Variants in SAMTOR observed in about 807,000 individuals in gnomAD.
The protein encoded by SAMTOR is UPF0532 protein C7orf60.
At chr7:112,939,338 T>G in the SAMTOR span, 1 of 561,302 alleles carries the variant, frequency 1.8e-6, no homozygotes, top group Non-Finnish European at 3.2e-6. Flanking sequence ...GACAGGGGCT[T>G]GGAGGGGGTG....
chr7:112,882,546 G>C, the SAMTOR span, among the ~76,000 whole-genome samples: 2 of 151,882 alleles, frequency 1.3e-5, no homozygotes, highest in African/African-American at 4.8e-5. Context: ...AAAATTAGCT[G>C]GGTGTGGTGG....
At chr7:112,879,003 A>C in the SAMTOR span, among the ~76,000 whole-genome samples, 1 of 152,068 alleles carries the variant, frequency 6.6e-6, no homozygotes. Context: ...GAAGTAAAAC[A>C]GCGGAAGGGG....
chr7:112,898,822 A>G, the SAMTOR span, among the ~76,000 whole-genome samples: 1 of 152,224 alleles, frequency 6.6e-6, no homozygotes, highest in South Asian at 2.1e-4. Context: ...CTTCAAGTCC[A>G]TTAGGGCTGG....
the SAMTOR span, among the ~76,000 whole-genome samples, chr7:112,932,338 T>C: frequency 2.0e-5 from 3 of 152,152 alleles, no homozygotes; most frequent in Admixed American, 1.3e-4. Flanking sequence ...TATTTACCAT[T>C]ATATTTATAG....
chr7:112,831,517 G>A, the SAMTOR span, among the ~76,000 whole-genome samples: 11 of 152,248 alleles, frequency 7.2e-5, no homozygotes, highest in Non-Finnish European at 7.4e-5. Flanking sequence ...TTAGCTGGGC[G>A]TGGTGGTACA....
the SAMTOR span, among the ~76,000 whole-genome samples, chr7:112,923,590 T>C: frequency 6.6e-6 from 1 of 152,236 alleles, no homozygotes; most frequent in Non-Finnish European, 1.5e-5. Context: ...TTTACACTAT[T>C]GGTGGGACTG....
chr7:112,935,183 T>G, the SAMTOR span: 1 of 424,988 alleles, frequency 2.4e-6, no homozygotes. Flanking sequence ...CAGCAAAACC[T>G]CACTTGAGAA....
chr7:112,892,413 T>G, the SAMTOR span, among the ~76,000 whole-genome samples: 1 of 152,194 alleles, frequency 6.6e-6, no homozygotes, highest in South Asian at 2.1e-4. Flanking sequence ...TAATGGACTT[T>G]GCCCAGATCC....
At chr7:112,886,614 G>A in the SAMTOR span, among the ~76,000 whole-genome samples, 55 of 152,262 alleles carry the variant, frequency 3.6e-4, no homozygotes, top group South Asian at 1.0e-3. Flanking sequence ...TGTTTGAGCC[G>A]TACAAAGTCT....
the SAMTOR span, among the ~76,000 whole-genome samples, chr7:112,857,079 CTTTTTTT>C: frequency 1.5e-4 from 16 of 105,780 alleles, no homozygotes; most frequent in African/African-American, 5.2e-4. Context: ...TTCTTTTAAT[CTTTTTTT>C]TTTTTTTTTT....
At chr7:112,906,964 T>C in the SAMTOR span, among the ~76,000 whole-genome samples, 2 of 152,196 alleles carry the variant, frequency 1.3e-5, no homozygotes, top group Non-Finnish European at 2.9e-5. Flanking sequence ...ATAAAAGTAA[T>C]TTTTAAAATG....
At chr7:112,839,025 C>T in the SAMTOR span, among the ~76,000 whole-genome samples, 17 of 151,728 alleles carry the variant, frequency 1.1e-4, no homozygotes, top group African/African-American at 3.4e-4. Context: ...TTCTAAATAC[C>T]GTTCTCTCAC....
the SAMTOR span, among the ~76,000 whole-genome samples, chr7:112,841,075 C>G: frequency 1.4e-4 from 21 of 152,168 alleles, no homozygotes; most frequent in East Asian, 4.0e-3. Context: ...ACTGGAAGTT[C>G]TGGCCAAGGC....
At chr7:112,901,327 C>G in the SAMTOR span, among the ~76,000 whole-genome samples, 1 of 152,138 alleles carries the variant, frequency 6.6e-6, no homozygotes, top group African/African-American at 2.4e-5. Context: ...CATAGAAGCA[C>G]GAACCCTTAT....
At chr7:112,857,131 C>CCGGACTG in the SAMTOR span, among the ~76,000 whole-genome samples, 3 of 137,970 alleles carry the variant, frequency 2.2e-5, no homozygotes, top group Non-Finnish European at 4.5e-5. Context: ...GTCGCCCAGG[C>CCGGACTG]CGGACTGCGG....
At chr7:112,932,873 C>A in the SAMTOR span, among the ~76,000 whole-genome samples, 1 of 152,196 alleles carries the variant, frequency 6.6e-6, no homozygotes. Flanking sequence ...ACGAAGAGGT[C>A]ATTTCAAAAG....
At chr7:112,826,684 TA>T in the SAMTOR span, among the ~76,000 whole-genome samples, 3 of 152,166 alleles carry the variant, frequency 2.0e-5, no homozygotes, top group African/African-American at 7.2e-5. Flanking sequence ...TTTTTTCTTC[TA>T]GTTGAAAAGT....
the SAMTOR span, among the ~76,000 whole-genome samples, chr7:112,920,401 C>T: frequency 1.4e-4 from 20 of 142,430 alleles, no homozygotes; most frequent in Middle Eastern, 3.8e-3. Flanking sequence ...ATTCAACAAC[C>T]CTTCATGCTA....
the SAMTOR span, among the ~76,000 whole-genome samples, chr7:112,931,818 G>A: frequency 8.6e-5 from 13 of 151,986 alleles, no homozygotes; most frequent in African/African-American, 3.1e-4. Flanking sequence ...TCAGATGTTA[G>A]ATTTTGTAAC....
Sources: gnomAD v4.1 joint callset for allele counts (sites outside exome capture counted in the v4.1 genomes callset) on GRCh38, gnomAD v4.1.1 for gene constraint, MANE v1.5 for transcripts, NCBI Gene and HGNC (gene_info 2026-07-23, HGNC 2026-07-21) for gene names.